PSMA5: variants seen among roughly 807,000 people sequenced by gnomAD.
PSMA5 encodes the protein proteasome subunit alpha type-5.
A neutral mutation model predicts 34.5 loss-of-function variants in PSMA5; 3 were observed. That is an observed-to-expected ratio of 0.09 (90% CI 0.04 to 0.22). The LOEUF (loss-of-function observed/expected upper bound fraction) is 0.22. Ranked by LOEUF, PSMA5 falls within the 10% of genes least tolerant of loss-of-function variation. PSMA5 has a pLI of 1.00. For synonymous variants in PSMA5, 88 were observed against 95.8 expected (o/e 0.92, Z 0.47); for missense variants, 120 against 286.1 (o/e 0.42, Z 4.19).
intron 6 of PSMA5, 98 bp from the exon 7 acceptor site, chr1:109,411,211 C>A (rs889012338): frequency 1.3e-6 from 1 of 767,400 alleles, no homozygotes. Context: ...CTTGGCCCTG[C>A]AGCCAGGAAA....
intron 8 of PSMA5, among the ~76,000 whole-genome samples, chr1:109,403,304 T>C (rs1158736518): frequency 6.6e-6 from 1 of 152,156 alleles, no homozygotes; most frequent in Non-Finnish European, 1.5e-5. Context: ...CATTTCCTCA[T>C]AGTGTCTTTT....
At chr1:109,410,084 C>A in intron 7 of PSMA5, 70 bp from the exon 8 acceptor site, 1 of 1,001,888 alleles carries the variant, frequency 1.0e-6, no homozygotes, top group South Asian at 1.4e-5. Flanking sequence ...AAGATTTTCC[C>A]TTTATCTCAC....
At chr1:109,417,721 C>T (rs1015379841) in intron 2 of PSMA5, among the ~76,000 whole-genome samples, 1 of 152,186 alleles carries the variant, frequency 6.6e-6, no homozygotes, top group African/African-American at 2.4e-5. Context: ...GAAATACCCT[C>T]CCGGAATGAA....
intron 8 of PSMA5, among the ~76,000 whole-genome samples, chr1:109,404,544 G>A (rs1321459719): frequency 2.0e-5 from 3 of 152,078 alleles, no homozygotes; most frequent in Non-Finnish European, 4.4e-5. Flanking sequence ...GAACTGGAAC[G>A]CAAATCAATA....
chr1:109,426,117 A>G, intron 1 of PSMA5, 185 bp downstream of exon 1: 1 of 718,228 alleles, frequency 1.4e-6, no homozygotes, highest in South Asian at 1.7e-5. Flanking sequence ...CGGTAGGACA[A>G]GTGCCGCCGA....
Position 109,412,095 on chromosome 1 carries a change from ATCT to A in PSMA5, c.378_380del (p.Glu126del). 1.2e-6 allele frequency: 2 copies of A among 1,614,040 alleles called. No homozygotes were observed. Among genetic ancestry groups the A allele is most frequent in the Non-Finnish European group, 1.7e-6 (2 of 1,179,858 alleles). ...CACTCACCATGGCACCTGGATCTGC[ATCT>A]TCTTCTCCAAACTGCAAAGCCAGAT... is the stretch of plus-strand genomic sequence containing the variant. On this transcript the variant is annotated inframe_deletion, in exon 5 of 9. Coordinates refer to ENST00000271308, the MANE Select transcript of PSMA5 (RefSeq NM_002790.4).
At chr1:109,408,038 C>T (rs1377554349) in intron 8 of PSMA5, among the ~76,000 whole-genome samples, 1 of 152,160 alleles carries the variant, frequency 6.6e-6, no homozygotes, top group African/African-American at 2.4e-5. Context: ...CACCTACCCT[C>T]GGCAGATGAC....
Position 109,421,826 on chromosome 1 carries a change from G to A in PSMA5, c.96+34C>T, listed in dbSNP as rs117367503. The A allele has an allele frequency of 6.7e-4, 1,014 of 1,509,438 alleles. 9 individuals are homozygous for A. The East Asian group carries it at 0.02, about 30-fold the overall frequency. The allele number at this position is 1,509,438 out of a possible 1,614,324, so 93.5% of individuals were successfully genotyped here. On this transcript the variant is annotated intron_variant, in intron 2 of 8. Coordinates refer to ENST00000271308, the MANE Select transcript of PSMA5 (RefSeq NM_002790.4). ...TGCCAGCAAAATGTTAGGTAGCCAT[G>A]AAATTTCAGGACCTATGCTACTTGC...
intron 2 of PSMA5, among the ~76,000 whole-genome samples, chr1:109,419,989 AG>A (rs1464201059): frequency 1.3e-5 from 2 of 151,418 alleles, no homozygotes; most frequent in Non-Finnish European, 1.5e-5. Context: ...AAAAAAAAAA[AG>A]GAATCCTTAA....
intron 2 of PSMA5, among the ~76,000 whole-genome samples, chr1:109,417,567 G>C (rs1329328152): frequency 6.6e-6 from 1 of 152,212 alleles, no homozygotes; most frequent in Non-Finnish European, 1.5e-5. Context: ...CCGTAAAATA[G>C]AGCGTCTTTG....
intron 4 of PSMA5, 106 bp downstream of exon 4, chr1:109,412,962 A>T: frequency 1.1e-6 from 1 of 930,472 alleles, no homozygotes; most frequent in Non-Finnish European, 1.7e-6. Context: ...CCCAAGAGCC[A>T]CATCTAATAT....
intron 2 of PSMA5, among the ~76,000 whole-genome samples, chr1:109,416,327 T>G (rs1157538449): frequency 1.3e-5 from 2 of 152,206 alleles, no homozygotes; most frequent in East Asian, 3.8e-4. Context: ...CATATCCTGA[T>G]GCCACTTTTC....
intron 2 of PSMA5, 102 bp from the exon 3 acceptor site, chr1:109,415,465 C>G: frequency 7.9e-7 from 1 of 1,262,264 alleles, no homozygotes; most frequent in Non-Finnish European, 1.1e-6. Flanking sequence ...GAAACTTCAA[C>G]TGGCCACATC....
intron 8 of PSMA5, among the ~76,000 whole-genome samples, chr1:109,403,151 G>A (rs1653605045): frequency 6.6e-6 from 1 of 152,034 alleles, no homozygotes; most frequent in Admixed American, 6.6e-5. Context: ...TAAAAAACTA[G>A]GGTCAGAAGA....
At position 109,416,281 on chromosome 1, in the gene PSMA5, T is replaced by C. The variant is rs79027188; in HGVS notation, c.97-918A>G. On this transcript the variant is annotated intron_variant, in intron 2 of 8. Transcript: ENST00000271308. ...CTCAAGAATTAACATCACCCTATAC[T>C]GCCTATAATATATCCAAATAAACTT... 4.3e-3 allele frequency among the ~76,000 whole-genome samples: 659 copies of C among 152,334 alleles called. 5 individuals carry two copies. Among genetic ancestry groups the C allele is most frequent in the African/African-American group, 0.011 (455 of 41,576 alleles).
chr1:109,413,187 T>G, intron 3 of PSMA5, 52 bp from the exon 4 acceptor site: 1 of 1,535,830 alleles, frequency 6.5e-7, no homozygotes. Context: ...GTAAAACTCT[T>G]TCATCCACTC....
intron 8 of PSMA5, among the ~76,000 whole-genome samples, chr1:109,405,451 T>TG (rs898960852): frequency 1.4e-5 from 2 of 139,712 alleles, no homozygotes; most frequent in African/African-American, 6.1e-5. Context: ...GAAAAGGTTT[T>TG]TTTTTTTTTT....
chr1:109,404,965 A>G (rs1448631686), intron 8 of PSMA5, among the ~76,000 whole-genome samples: 1 of 152,278 alleles, frequency 6.6e-6, no homozygotes, highest in East Asian at 1.9e-4. Context: ...TGTGTATTAA[A>G]GCATGGCAAG....
At chr1:109,417,520 C>A (rs946383789) in intron 2 of PSMA5, among the ~76,000 whole-genome samples, 1 of 152,218 alleles carries the variant, frequency 6.6e-6, no homozygotes, top group Admixed American at 6.5e-5. Context: ...GCACCTCCCC[C>A]ACTCCCGTGG....
Sources: allele counts gnomAD v4.1 joint callset (sites outside exome capture counted in the v4.1 genomes callset), GRCh38; gene constraint gnomAD v4.1.1; transcripts MANE v1.5; gene names NCBI Gene and HGNC (gene_info 2026-07-23, HGNC 2026-07-21).